The following ELAVL4 variants were observed in gnomAD, a reference collection of about 807,000 sequenced individuals.
ELAVL4 encodes ELAV like RNA binding protein 4, also known as ELAV-like protein 4.
A neutral mutation model predicts 35.6 loss-of-function variants in ELAVL4; 1 was observed. The observed-to-expected ratio is 0.03, with a 90% CI of 0.01 to 0.13. The LOEUF is 0.13. Among genes scored for constraint, ELAVL4 ranks in the 10% least tolerant of loss-of-function variants. The pLI is 1.00. For synonymous variants in ELAVL4, 156 were observed against 171.0 expected (o/e 0.91, Z 0.69); for missense variants, 267 against 464.9 (o/e 0.57, Z 3.91).
intron 3 of ELAVL4, among the ~76,000 whole-genome samples, chr1:50,181,548 A>G (rs975435697): frequency 1.3e-5 from 2 of 152,154 alleles, no homozygotes; most frequent in African/African-American, 2.4e-5. Context: ...CTGGAACCCC[A>G]CTTAGGAAAC....
intron 1 of ELAVL4, among the ~76,000 whole-genome samples, chr1:50,124,057 T>C (rs917849515): frequency 1.3e-5 from 2 of 152,122 alleles, no homozygotes; most frequent in African/African-American, 4.8e-5. Flanking sequence ...AATTAGGTGT[T>C]TCATAATGTG....
At chr1:50,089,313 A>AT (rs1557695893) in intron 1 of ELAVL4, among the ~76,000 whole-genome samples, 3 of 152,202 alleles carry the variant, frequency 2.0e-5, no homozygotes, top group Non-Finnish European at 4.4e-5. Context: ...TAAATTAAAG[A>AT]TGTAAGGCAT....
At chr1:50,129,763 G>A (rs1670552501) in intron 1 of ELAVL4, among the ~76,000 whole-genome samples, 1 of 152,054 alleles carries the variant, frequency 6.6e-6, no homozygotes, top group Non-Finnish European at 1.5e-5. Context: ...TAAATTCCAA[G>A]GATAAATCTT....
chr1:50,191,947 C>T (rs1682724774), intron 3 of ELAVL4, among the ~76,000 whole-genome samples: 1 of 152,180 alleles, frequency 6.6e-6, no homozygotes. Flanking sequence ...TTTCCTTCTT[C>T]CACTTCTTCC....
intron 1 of ELAVL4, among the ~76,000 whole-genome samples, chr1:50,094,522 T>C (rs959208770): frequency 2.6e-5 from 4 of 152,174 alleles, no homozygotes; most frequent in African/African-American, 7.2e-5. Flanking sequence ...CCAGCTTTAT[T>C]TTCCCAGCCC....
Position 50,109,108 on chromosome 1 carries a change from A to G in ELAVL4, c.-82A>G. The G allele has an allele frequency of 1.3e-6, 2 of 1,520,758 alleles. No individual in the cohort carries two copies. Among genetic ancestry groups the G allele is most frequent in the Non-Finnish European group, 1.8e-6 (2 of 1,137,138 alleles). The allele number at this position is 1,520,758 out of a possible 1,614,324, so 94.2% of individuals were successfully genotyped here. A position where few individuals can be genotyped will look rare whatever the true frequency, so the allele number is the denominator to read the frequency against. ...TTAATTATATATAACAATAGTAGTC[A>G]TTTTAAATATATATTCTGAAATCTT... On this transcript the variant is annotated 5_prime_UTR_variant, in exon 1 of 7. Transcript: ENST00000371824.
At chr1:50,118,135 A>G (rs1668269270) in intron 1 of ELAVL4, among the ~76,000 whole-genome samples, 1 of 152,150 alleles carries the variant, frequency 6.6e-6, no homozygotes, top group Admixed American at 6.6e-5. Context: ...ATATGGTCCC[A>G]TCTTTGCTGT....
chr1:50,048,289 T>G, intron 1 of ELAVL4: 2 of 1,338,734 alleles, frequency 1.5e-6, no homozygotes, highest in South Asian at 1.6e-5. Flanking sequence ...GCGGCCAGCC[T>G]GGCCACCCCG....
At chr1:50,111,142 T>C (rs1211152040) in intron 1 of ELAVL4, among the ~76,000 whole-genome samples, 1 of 151,378 alleles carries the variant, frequency 6.6e-6, no homozygotes, top group Non-Finnish European at 1.5e-5. Flanking sequence ...TGTGTGTGTG[T>C]GCGTGTGTGT....
Position 50,176,362 on chromosome 1 carries a change from G to T in ELAVL4, c.251-727G>T, listed in dbSNP as rs535573529. On this transcript the variant is annotated intron_variant, in intron 2 of 6. Coordinates refer to ENST00000371824, the MANE Select transcript of ELAVL4 (RefSeq NM_001144774.3). ...GGGTAAAGAATGATTTGTAGCAACT[G>T]CTTTGAATTCTAGCCATGCCTGCAT... Among the ~76,000 whole-genome samples the T allele has an allele frequency of 1.2e-4, 19 of 152,292 alleles. No homozygotes were observed. The East Asian group carries it at 3.3e-3, about 26-fold the overall frequency.
At chr1:50,180,109 T>C (rs550779821) in intron 3 of ELAVL4, 1 of 152,102 alleles carries the variant, frequency 6.6e-6, no homozygotes, top group East Asian at 1.9e-4. Context: ...TGACAGGCAG[T>C]TTGCAAACCA....
intron 1 of ELAVL4, among the ~76,000 whole-genome samples, chr1:50,133,698 A>G (rs143186158): frequency 7.5e-4 from 114 of 152,186 alleles, no homozygotes; most frequent in Admixed American, 1.4e-3. Flanking sequence ...GAAATTAACA[A>G]TAAACTTTCA....
intron 1 of ELAVL4, among the ~76,000 whole-genome samples, chr1:50,130,819 G>A (rs941544457): frequency 3.9e-5 from 6 of 152,076 alleles, no homozygotes; most frequent in Non-Finnish European, 8.8e-5. Context: ...TCTTTTGAGA[G>A]CTAACTTCAG....
At chr1:50,181,788 A>G (rs763793668) in intron 3 of ELAVL4, among the ~76,000 whole-genome samples, 2 of 152,140 alleles carry the variant, frequency 1.3e-5, no homozygotes, top group Non-Finnish European at 2.9e-5. Context: ...GGTTCAAGCA[A>G]TTCTCCTGCC....
intron 1 of ELAVL4, among the ~76,000 whole-genome samples, chr1:50,073,389 A>C (rs775466915): frequency 6.6e-6 from 1 of 152,210 alleles, no homozygotes; most frequent in Non-Finnish European, 1.5e-5. Context: ...ATTGTGAGGC[A>C]AAAGTTATTT....
intron 3 of ELAVL4, among the ~76,000 whole-genome samples, chr1:50,189,111 A>C (rs1293146905): frequency 6.6e-6 from 1 of 152,350 alleles, no homozygotes; most frequent in African/African-American, 2.4e-5. Flanking sequence ...GGGGCTAAAA[A>C]GGATGCCTTT....
intron 1 of ELAVL4, among the ~76,000 whole-genome samples, chr1:50,085,786 CT>C (rs1665213314): frequency 1.3e-5 from 2 of 152,162 alleles, no homozygotes; most frequent in Non-Finnish European, 1.5e-5. Flanking sequence ...ATACTTTATC[CT>C]CTGAGACTTT....
intron 1 of ELAVL4, among the ~76,000 whole-genome samples, chr1:50,128,924 C>T (rs1670404945): frequency 6.6e-6 from 1 of 151,968 alleles, no homozygotes; most frequent in Admixed American, 6.6e-5. Flanking sequence ...GTTAGCTTTA[C>T]CTTTCATTTG....
intron 6 of ELAVL4, among the ~76,000 whole-genome samples, chr1:50,199,223 T>A (rs1278230355): frequency 6.6e-6 from 1 of 152,250 alleles, no homozygotes; most frequent in Non-Finnish European, 1.5e-5. Context: ...CATTTGATTA[T>A]CCAAATTCTA....
Sources: allele counts gnomAD v4.1 joint callset (sites outside exome capture counted in the v4.1 genomes callset), GRCh38; gene constraint gnomAD v4.1.1; transcripts MANE v1.5; gene names NCBI Gene and HGNC (gene_info 2026-07-23, HGNC 2026-07-21).